Variants in INPP4A observed in about 807,000 individuals in gnomAD.
The protein encoded by INPP4A is inositol polyphosphate-4-phosphatase, type I, 107kD.
In INPP4A, 33 loss-of-function variants were observed where a neutral mutation model predicts 119.8. The observed-to-expected ratio is 0.28, with a 90% CI of 0.21 to 0.37. INPP4A has a LOEUF of 0.37. Among genes scored for constraint, INPP4A ranks in the 10% least tolerant of loss-of-function variants. The probability of loss-of-function intolerance (pLI) is 1.00; values close to 1 mark genes in which losing one functional copy is unlikely to be tolerated. For synonymous variants in INPP4A, 496 were observed against 500.7 expected (o/e 0.99, Z 0.12); for missense variants, 956 against 1,289.9 (o/e 0.74, Z 3.97).
chr2:98,553,210 A>C (rs1023813912), intron 14 of INPP4A, among the ~76,000 whole-genome samples: 1 of 152,170 alleles, frequency 6.6e-6, no homozygotes, highest in African/African-American at 2.4e-5. Flanking sequence ...CTTCAGGCAC[A>C]TGTGCCCTTC....
At chr2:98,461,131 C>T (rs543375042) in intron 1 of INPP4A, among the ~76,000 whole-genome samples, 6 of 152,204 alleles carry the variant, frequency 3.9e-5, no homozygotes, top group Middle Eastern at 6.8e-3. Context: ...CAGTAGCTGG[C>T]GAGGGGGTGG....
intron 24 of INPP4A, among the ~76,000 whole-genome samples, chr2:98,579,630 T>C (rs1698984781): frequency 6.6e-6 from 1 of 152,240 alleles, no homozygotes; most frequent in South Asian, 2.1e-4. Context: ...CTTGTGAGGC[T>C]TCTGAAGCTG....
intron 11 of INPP4A, among the ~76,000 whole-genome samples, chr2:98,544,755 A>G (rs755822685): frequency 6.6e-6 from 1 of 152,264 alleles, no homozygotes; most frequent in Non-Finnish European, 1.5e-5. Context: ...AAGGAAAACC[A>G]TAAGCCCTTG....
intron 1 of INPP4A, among the ~76,000 whole-genome samples, chr2:98,448,123 A>C (rs1248291157): frequency 4.6e-5 from 7 of 150,634 alleles, no homozygotes; most frequent in African/African-American, 1.7e-4. Flanking sequence ...TGGGAGGCTG[A>C]GGTGGGAGGA....
chr2:98,520,198 C>T (rs1686917860), intron 3 of INPP4A, 44 bp downstream of exon 3: 1 of 1,411,728 alleles, frequency 7.1e-7, no homozygotes, highest in South Asian at 1.2e-5. Context: ...TATGAGCTCA[C>T]AGCACCTGGG....
chr2:98,564,635 CA>C lies in INPP4A; in HGVS notation c.2029-4del, dbSNP rs1696103868. 3 of 1,613,102 alleles carry C rather than the reference CA, an allele frequency of 1.9e-6. No homozygotes were observed. The South Asian group carries it at 3.3e-5, about 18-fold the overall frequency. On this transcript the variant is annotated splice_region_variant and splice_polypyrimidine_tract_variant and intron_variant, in intron 18 of 24. Transcript: ENST00000409851. ...CCTGAACCTCTTCACCCCACGCTCC[CA>C]CAGCTGACCGCCCTCATCTGCGGCT...
At chr2:98,478,835 T>G (rs997573515) in intron 1 of INPP4A, among the ~76,000 whole-genome samples, 2 of 152,220 alleles carry the variant, frequency 1.3e-5, no homozygotes, top group Non-Finnish European at 2.9e-5. Flanking sequence ...CTTTCTGTGG[T>G]GGTGCTATTT....
intron 1 of INPP4A, among the ~76,000 whole-genome samples, chr2:98,498,302 ATGGTTTGATGAAGGG>A (rs1682445187): frequency 1.3e-5 from 2 of 151,874 alleles, no homozygotes; most frequent in South Asian, 4.2e-4. Context: ...ATGAGATCTG[ATGGTTTGATGAAGGG>A]AAACTCATTT....
chr2:98,520,581 G>T, intron 3 of INPP4A, 106 bp from the exon 4 acceptor site: 1 of 734,990 alleles, frequency 1.4e-6, no homozygotes, highest in Non-Finnish European at 2.3e-6. Context: ...TTGCATGGCA[G>T]TTTTTGTTGT....
At chr2:98,516,627 A>C (rs1686174781) in intron 1 of INPP4A, among the ~76,000 whole-genome samples, 1 of 152,204 alleles carries the variant, frequency 6.6e-6, no homozygotes, top group Non-Finnish European at 1.5e-5. Context: ...TGAGCAGGGC[A>C]GCAAGGCAGG....
intron 1 of INPP4A, among the ~76,000 whole-genome samples, chr2:98,471,142 C>A (rs142752733): frequency 6.6e-6 from 1 of 152,222 alleles, no homozygotes; most frequent in East Asian, 1.9e-4. Flanking sequence ...GGAGGTGCCT[C>A]CTGTGTATAT....
intron 5 of INPP4A, among the ~76,000 whole-genome samples, chr2:98,535,076 C>G (rs1689984961): frequency 6.6e-6 from 1 of 152,120 alleles, no homozygotes; most frequent in African/African-American, 2.4e-5. Flanking sequence ...GAAAAAGGAG[C>G]CAGAGGCCCA....
chr2:98,545,861 AT>A, intron 11 of INPP4A, 107 bp from the exon 12 acceptor site: 1 of 743,844 alleles, frequency 1.3e-6, no homozygotes, highest in East Asian at 2.8e-5. Context: ...CACTGCCGAC[AT>A]ACCTGCTTAT....
At position 98,448,728 on chromosome 2, in the gene INPP4A, T is replaced by TA. The variant is rs550811204; in HGVS notation, c.-166+3646dup. 4.2e-3 allele frequency among the ~76,000 whole-genome samples: 595 copies of TA among 141,988 alleles called. 4 individuals carry two copies. Among genetic ancestry groups the TA allele is most frequent in the East Asian group, 0.013 (62 of 4,842 alleles). The allele number at this position is 141,988 out of a possible 152,430, so 93.1% of individuals were successfully genotyped here. ...CTCTCTCTTTTTTTTTTTTTTTTTTTAAAGAGACAAGGTCTCCCTTCGTTG... is the reference window on the plus strand; with the variant it reads ...CTCTCTCTTTTTTTTTTTTTTTTTTTAAAAGAGACAAGGTCTCCCTTCGTTG... On this transcript the variant is annotated intron_variant, in intron 1 of 24. Coordinates refer to ENST00000409851, the MANE Select transcript of INPP4A (RefSeq NM_001134225.2).
chr2:98,522,925 G>A (rs538951441), intron 4 of INPP4A, among the ~76,000 whole-genome samples: 3 of 152,326 alleles, frequency 2.0e-5, no homozygotes, highest in Admixed American at 6.5e-5. Flanking sequence ...AAATGTGAGT[G>A]TAGGAAGAAA....
At chr2:98,512,882 G>C (rs905807913) in intron 1 of INPP4A, among the ~76,000 whole-genome samples, 1 of 152,192 alleles carries the variant, frequency 6.6e-6, no homozygotes, top group Non-Finnish European at 1.5e-5. Flanking sequence ...CCTCCACCTT[G>C]TCCGTGTTCC....
intron 1 of INPP4A, among the ~76,000 whole-genome samples, chr2:98,495,384 A>G (rs1681728968): frequency 1.3e-5 from 2 of 152,308 alleles, no homozygotes; most frequent in Admixed American, 1.3e-4. Flanking sequence ...ATTTTTGACA[A>G]AGGTGCCAAG....
At chr2:98,582,826 G>A (rs147967912) in intron 24 of INPP4A, among the ~76,000 whole-genome samples, 2 of 151,312 alleles carry the variant, frequency 1.3e-5, no homozygotes, top group South Asian at 2.1e-4. Context: ...ATCACCTAGT[G>A]CATAAGTCAG....
intron 24 of INPP4A, among the ~76,000 whole-genome samples, chr2:98,578,223 C>T (rs1389289420): frequency 1.3e-5 from 2 of 152,190 alleles, no homozygotes; most frequent in Non-Finnish European, 1.5e-5. Context: ...CTGGTCTGCT[C>T]CCCAGGAGCC....
Sources: gnomAD v4.1 joint callset for allele counts (sites outside exome capture counted in the v4.1 genomes callset) on GRCh38, gnomAD v4.1.1 for gene constraint, MANE v1.5 for transcripts, NCBI Gene and HGNC (gene_info 2026-07-23, HGNC 2026-07-21) for gene names.